Variants in ACCS observed in about 807,000 individuals in gnomAD.
ACCS encodes the protein 1-aminocyclopropane-1-carboxylate synthase-like protein 1.
ACCS carries 42 observed loss-of-function variants against 59.8 expected under a neutral mutation model. The observed-to-expected ratio is 0.70, with a 90% CI of 0.55 to 0.91. The LOEUF (loss-of-function observed/expected upper bound fraction) is 0.91. Among genes scored for constraint, ACCS ranks in the 40% least tolerant of loss-of-function variants. The pLI, the probability that ACCS is intolerant of heterozygous loss-of-function variation, is 0.00. For missense variants in ACCS, 602 were observed against 630.4 expected (o/e 0.95, Z 0.48); for synonymous variants, 230 against 240.3 (o/e 0.96, Z 0.40).
chr11:44,073,935 G>A (rs532335604), intron 4 of ACCS, among the ~76,000 whole-genome samples: 1 of 152,300 alleles, frequency 6.6e-6, no homozygotes, highest in East Asian at 1.9e-4. Flanking sequence ...ATGCTAAGAG[G>A]GGAGGTGGTA....
intron 4 of ACCS, 40 bp from the exon 5 acceptor site, chr11:44,074,572 G>C: frequency 1.3e-6 from 2 of 1,549,396 alleles, no homozygotes; most frequent in South Asian, 2.2e-5. Flanking sequence ...CGTGGGTTGG[G>C]GACCATCTGG....
intron 3 of ACCS, among the ~76,000 whole-genome samples, chr11:44,073,000 G>C (rs1201316889): frequency 6.6e-6 from 1 of 152,212 alleles, no homozygotes; most frequent in Non-Finnish European, 1.5e-5. Context: ...TTTTTTTAAA[G>C]TGTGAGGTTG....
intron 3 of ACCS, among the ~76,000 whole-genome samples, chr11:44,073,176 G>A (rs921362377): frequency 1.3e-5 from 2 of 152,292 alleles, no homozygotes; most frequent in African/African-American, 2.4e-5. Flanking sequence ...AGGTGGCAGT[G>A]TTGTATAAAG....
intron 9 of ACCS, 105 bp from the exon 10 acceptor site, chr11:44,079,426 C>A: frequency 1.1e-6 from 1 of 900,614 alleles, no homozygotes; most frequent in Non-Finnish European, 1.7e-6. Flanking sequence ...TAACCCCGGG[C>A]TAGACCCCGG....
chr11:44,081,379 C>G, intron 12 of ACCS, 59 bp downstream of exon 12: 1 of 1,598,278 alleles, frequency 6.3e-7, no homozygotes, highest in Non-Finnish European at 8.5e-7. Flanking sequence ...AGCCTGGGAA[C>G]AGCCAGGAAT....
chr11:44,078,081 G>A, intron 8 of ACCS, 159 bp downstream of exon 8: 1 of 929,700 alleles, frequency 1.1e-6, no homozygotes, highest in Non-Finnish European at 1.6e-6. Flanking sequence ...TGGGAGTCAG[G>A]CAGAACCCTG....
chr11:44,067,930 C>T lies in ACCS; in HGVS notation c.288+15C>T. 6.3e-7 allele frequency: 1 copy of T among 1,580,558 alleles called. No homozygotes were observed. Among genetic ancestry groups the T allele is most frequent in the Non-Finnish European group, 8.6e-7 (1 of 1,164,240 alleles). ...AGAACCCCAGTGTGAGTGAAGCTCCCCTCCCACTGGGACCCAAGAGAGAAC... is the reference window on the plus strand; with the variant it reads ...AGAACCCCAGTGTGAGTGAAGCTCCTCTCCCACTGGGACCCAAGAGAGAAC... On this transcript the variant is annotated intron_variant, in intron 2 of 14. Coordinates refer to ENST00000263776, the MANE Select transcript of ACCS (RefSeq NM_032592.4).
chr11:44,082,737 GACA>G (rs1292086945), intron 12 of ACCS, among the ~76,000 whole-genome samples: 1 of 152,114 alleles, frequency 6.6e-6, no homozygotes, highest in Non-Finnish European at 1.5e-5. Context: ...AGAACTGTAT[GACA>G]ACGACAAAAA....
chr11:44,069,948 G>T (rs1404541761), intron 2 of ACCS, among the ~76,000 whole-genome samples: 6 of 152,232 alleles, frequency 3.9e-5, no homozygotes, highest in Non-Finnish European at 8.8e-5. Flanking sequence ...AGTAAGCCAT[G>T]CAGTTATCTA....
Position 44,083,326 on chromosome 11 carries a change from G to T in ACCS, c.1254+15G>T, listed in dbSNP as rs751616115. On this transcript the variant is annotated intron_variant, in intron 13 of 14. Transcript: ENST00000263776. ...ACTTGAGAAAGGTAATGCTGGTGGAGGTGCGGGCTGAGAGGGAGTTTCAGG... is the reference window on the plus strand; with the variant it reads ...ACTTGAGAAAGGTAATGCTGGTGGATGTGCGGGCTGAGAGGGAGTTTCAGG... The T allele has an allele frequency of 6.2e-6, 10 of 1,613,664 alleles. No individual in the cohort carries two copies. The highest frequency in any genetic ancestry group is 8.5e-6 in the Non-Finnish European group (10 of 1,179,720).
intron 8 of ACCS, chr11:44,078,327 C>T (rs1236445812): frequency 3.2e-6 from 1 of 312,380 alleles, no homozygotes; most frequent in Non-Finnish European, 5.9e-6. Flanking sequence ...GACCAGTATT[C>T]CAGTGGTTCC....
chr11:44,081,072 T>G lies in ACCS; in HGVS notation c.969+7T>G. ...GATGTGGGCAACCAGCAAGGTGAGT[T>G]CCTGGCTGGCCTTGGGGGTGTCAGA... On this transcript the variant is annotated splice_region_variant and intron_variant, in intron 11 of 14. Coordinates refer to ENST00000263776, the MANE Select transcript of ACCS (RefSeq NM_032592.4). The G allele has an allele frequency of 6.2e-7, 1 of 1,614,160 alleles. No individual in the cohort carries two copies. Among genetic ancestry groups the G allele is most frequent in the African/African-American group, 1.3e-5 (1 of 75,048 alleles).
At chr11:44,069,506 C>T (rs1272645654) in intron 2 of ACCS, among the ~76,000 whole-genome samples, 7 of 152,198 alleles carry the variant, frequency 4.6e-5, no homozygotes, top group Non-Finnish European at 7.3e-5. Context: ...CATGAGCCAC[C>T]GCGCCTGGCC....
rs1450264172 is a variant in ACCS, at chr11:44,083,715, G to T, written c.1429G>T (p.Val477Leu). The T allele has an allele frequency of 6.2e-7, 1 of 1,614,158 alleles. No homozygotes were observed. Among genetic ancestry groups the T allele is most frequent in the African/African-American group, 1.3e-5 (1 of 75,048 alleles). The change falls in exon 15 of 15, where the codon GTG (valine) becomes TTG (leucine). Residue 477 changes from valine (V) to leucine (L), a missense_variant. Coordinates refer to ENST00000263776, the MANE Select transcript of ACCS (RefSeq NM_032592.4). ...LCLGMQRVQQ[V>L]LAGKSQVAED... ...CCCAGGGATGCAGAGGGTCCAGCAG[G>T]TGCTTGCAGGCAAATCCCAAGTGGC...
rs1221016874 is a variant in ACCS at position 44,077,172 on chromosome 11, G to A, written c.557-107G>A. The A allele has an allele frequency of 1.0e-5, 13 of 1,253,748 alleles. 1 individual carries two copies. The African/African-American group carries it at 1.1e-4, about 10-fold the overall frequency. The allele number at this position is 1,253,748 out of a possible 1,614,324, so 77.7% of individuals were successfully genotyped here. A position where few individuals can be genotyped will look rare whatever the true frequency, so the allele number is the denominator to read the frequency against. Reference sequence around the variant, plus strand: ...TTAAGAGTGCAAGTATGCCCCAAACGGTCCCCAAAGAAGTTAAAGGCTTGG... The same window carrying A: ...TTAAGAGTGCAAGTATGCCCCAAACAGTCCCCAAAGAAGTTAAAGGCTTGG... On this transcript the variant is annotated intron_variant, in intron 6 of 14. Transcript: ENST00000263776.
Position 44,083,930 on chromosome 11 carries a change from C to T in ACCS, c.*138C>T, listed in dbSNP as rs1953755407. Reference sequence around the variant, plus strand: ...TGGCTTTGTGCCTGAAGAACTGTTTCTTGTCTTTCGCTGTAGCAGTGGGAA... The same window carrying T: ...TGGCTTTGTGCCTGAAGAACTGTTTTTTGTCTTTCGCTGTAGCAGTGGGAA... On this transcript the variant is annotated 3_prime_UTR_variant, in exon 15 of 15. Coordinates refer to ENST00000263776, the MANE Select transcript of ACCS (RefSeq NM_032592.4). The T allele has an allele frequency of 7.5e-6, 11 of 1,472,846 alleles. No individual in the cohort carries two copies. In the Admixed American group the frequency reaches 2.1e-4, roughly 28 times the overall value. 91.2% of individuals were successfully genotyped at this position (1,472,846 alleles called of 1,614,324 possible). A position where few individuals can be genotyped will look rare whatever the true frequency, so the allele number is the denominator to read the frequency against.
At position 44,076,933 on chromosome 11, in the gene ACCS, A is replaced by G. The variant is rs565792835; in HGVS notation, c.557-346A>G. Among the ~76,000 whole-genome samples, 4 of 152,308 alleles carry G rather than the reference A, an allele frequency of 2.6e-5. No individual in the cohort carries two copies. The East Asian group carries it at 7.7e-4, about 29-fold the overall frequency. On this transcript the variant is annotated intron_variant, in intron 6 of 14. Transcript: ENST00000263776. ...GTTGTGTAGGGGAACTCCCCTCTGTAAAACCATCAGATCTCGTGAGACTTA... is the reference window on the plus strand; with the variant it reads ...GTTGTGTAGGGGAACTCCCCTCTGTGAAACCATCAGATCTCGTGAGACTTA...
chr11:44,074,346 A>G (rs765052705), intron 4 of ACCS, among the ~76,000 whole-genome samples: 45 of 152,258 alleles, frequency 3.0e-4, no homozygotes, highest in Non-Finnish European at 3.5e-4. Flanking sequence ...TTATTAGTAT[A>G]ATTAGCTAGA....
intron 3 of ACCS, 28 bp downstream of exon 3, chr11:44,071,343 A>G (rs1953041574): frequency 6.2e-7 from 1 of 1,610,578 alleles, no homozygotes; most frequent in Non-Finnish European, 8.5e-7. Flanking sequence ...TCTAGGGGGC[A>G]TCACCAGCTC....
Sources: allele counts gnomAD v4.1 joint callset (sites outside exome capture counted in the v4.1 genomes callset), GRCh38; gene constraint gnomAD v4.1.1; transcripts MANE v1.5; gene names NCBI Gene and HGNC (gene_info 2026-07-23, HGNC 2026-07-21).